Variants in MAOA observed in about 807,000 individuals in gnomAD.
The protein encoded by MAOA is monoamine oxidase A, also known as amine oxidase [flavin-containing] A.
In MAOA, 6 loss-of-function variants were observed where a neutral mutation model predicts 42.0. The observed-to-expected ratio is 0.14, with a 90% CI of 0.08 to 0.28. MAOA has a LOEUF of 0.28. MAOA is among the 10% of genes least tolerant of loss of function. The pLI, the probability that MAOA is intolerant of heterozygous loss-of-function variation, is 1.00. For missense variants in MAOA, 262 were observed against 422.3 expected (o/e 0.62, Z 3.33); for synonymous variants, 140 against 154.0 (o/e 0.91, Z 0.67).
chrX:43,730,150 C>T (rs1022403360), intron 6 of MAOA, among the ~76,000 whole-genome samples: 4 of 103,007 alleles, frequency 3.9e-5, no homozygotes, highest in Non-Finnish European at 5.9e-5. Context: ...GCCAAGATTG[C>T]GCCATTGCAT....
chrX:43,724,979 C>T lies in MAOA; in HGVS notation c.504-3194C>T, dbSNP rs143446917. Reference sequence around the variant, plus strand: ...GTTGTTCAGTTTCCAAGTAGTTGTGCGGTTTTGAGTGAGTTTCTTCATCCT... The same window carrying T: ...GTTGTTCAGTTTCCAAGTAGTTGTGTGGTTTTGAGTGAGTTTCTTCATCCT... On this transcript the variant is annotated intron_variant, in intron 5 of 14. Transcript: ENST00000338702. Among the ~76,000 whole-genome samples the T allele has an allele frequency of 1.1e-3, 122 of 111,842 alleles. No individual in the cohort carries two copies. In the East Asian group the frequency reaches 0.025, roughly 22 times the overall value.
At position 43,746,190 on chromosome X, in the gene MAOA, C is replaced by T. The variant is rs755538277; in HGVS notation, c.*1677C>T. 8.9e-6 allele frequency: 1 copy of T among 112,547 alleles called. No individual in the cohort carries two copies. Among genetic ancestry groups the T allele is most frequent in the African/African-American group, 3.2e-5 (1 of 31,041 alleles). 9.3% of individuals were successfully genotyped at this position (112,547 alleles called of 1,213,427 possible). On this transcript the variant is annotated 3_prime_UTR_variant, in exon 15 of 15. Coordinates refer to ENST00000338702, the MANE Select transcript of MAOA (RefSeq NM_000240.4). The stretch of plus-strand genomic sequence containing the variant: ...ACCTTTTGGGAAATGCTGATTTAAA[C>T]TTCTTAACTGGCAACAGTTGGAACA...
In MAOA at chrX:43,658,036, AAAC is replaced by A. The variant is rs1347392693; in HGVS notation, c.73+1624_73+1626del. 27 of 522,168 alleles carry A rather than the reference AAAC, an allele frequency of 5.2e-5. No homozygotes were observed. In the African/African-American group the frequency reaches 7.0e-4, roughly 13 times the overall value. 43.0% of individuals were successfully genotyped at this position (522,168 alleles called of 1,213,427 possible). ...TTATGTATTTATTTATTCATTCAAAAAACACTTGTTGAGTACCTGCAATGAAGT... is the reference window on the plus strand; with the variant it reads ...TTATGTATTTATTTATTCATTCAAAAACTTGTTGAGTACCTGCAATGAAGT... On this transcript the variant is annotated intron_variant, in intron 1 of 14. Coordinates refer to ENST00000338702, the MANE Select transcript of MAOA (RefSeq NM_000240.4).
intron 3 of MAOA, among the ~76,000 whole-genome samples, chrX:43,709,907 C>T (rs772463315): frequency 2.7e-5 from 3 of 112,050 alleles, no homozygotes; most frequent in African/African-American, 6.5e-5. Flanking sequence ...TGGAAGATTT[C>T]TAAGTTTCAC....
chrX:43,721,935 C>T lies in MAOA; in HGVS notation c.504-6238C>T, dbSNP rs750500820. On this transcript the variant is annotated intron_variant, in intron 5 of 14. Transcript: ENST00000338702. The stretch of plus-strand genomic sequence containing the variant: ...ACTCTCACTTATGAGTGAGAACATG[C>T]GGTGTTTGGTTTTCTCTTATTGTGT... Among the ~76,000 whole-genome samples, 182 of 110,955 alleles carry T rather than the reference C, an allele frequency of 1.6e-3. 1 individual carries two copies. The highest frequency in any genetic ancestry group is 5.6e-3 in the African/African-American group (170 of 30,469).
At chrX:43,674,773 C>T (rs1243367611) in intron 1 of MAOA, among the ~76,000 whole-genome samples, 1 of 109,508 alleles carries the variant, frequency 9.1e-6, no homozygotes, top group Non-Finnish European at 1.9e-5. Flanking sequence ...TGAATATTGG[C>T]CCCCACTCTC....
chrX:43,724,409 A>T (rs1356822136), intron 5 of MAOA, among the ~76,000 whole-genome samples: 1 of 111,419 alleles, frequency 9.0e-6, no homozygotes, highest in Non-Finnish European at 1.9e-5. Flanking sequence ...TAGTCTTGGG[A>T]GGGTGTATGT....
chrX:43,742,952 G>A (rs2033971301), intron 12 of MAOA, among the ~76,000 whole-genome samples: 1 of 110,899 alleles, frequency 9.0e-6, no homozygotes, highest in Non-Finnish European at 1.9e-5. Context: ...ACAATAGCAG[G>A]ATTGATGAAC....
At chrX:43,666,264 C>G (rs1442596948) in intron 1 of MAOA, among the ~76,000 whole-genome samples, 6 of 111,973 alleles carry the variant, frequency 5.4e-5, no homozygotes, top group African/African-American at 1.9e-4. Context: ...AAGATTAATG[C>G]ATCTAAAACA....
rs1390751022 is a variant in MAOA, at chrX:43,746,723, T to C, written c.*2210T>C. The C allele has an allele frequency of 8.9e-6, 1 of 112,200 alleles. No individual in the cohort carries two copies. The highest frequency in any genetic ancestry group is 3.2e-5 in the African/African-American group (1 of 30,782). 9.2% of individuals were successfully genotyped at this position (112,200 alleles called of 1,213,427 possible). A position where few individuals can be genotyped will look rare whatever the true frequency, so the allele number is the denominator to read the frequency against. ...CTGAAGTTTGCCCCAGTGCTACACG[T>C]TGGAGTATACCTATGTGTGTGCTTT... On this transcript the variant is annotated 3_prime_UTR_variant, in exon 15 of 15. Coordinates refer to ENST00000338702, the MANE Select transcript of MAOA (RefSeq NM_000240.4).
chrX:43,722,702 T>C (rs758315510), intron 5 of MAOA, among the ~76,000 whole-genome samples: 38 of 112,152 alleles, frequency 3.4e-4, no homozygotes, highest in South Asian at 1.1e-3. Context: ...TAGATCCCAT[T>C]TGTCTGTTTT....
intron 10 of MAOA, among the ~76,000 whole-genome samples, chrX:43,739,217 T>A (rs1408084711): frequency 8.9e-6 from 1 of 112,075 alleles, no homozygotes; most frequent in Non-Finnish European, 1.9e-5. Context: ...CCATTCTTCT[T>A]TTCCTTTATG....
chrX:43,708,649 T>C (rs369034957), intron 3 of MAOA, among the ~76,000 whole-genome samples: 3 of 106,917 alleles, frequency 2.8e-5, no homozygotes, highest in East Asian at 2.9e-4. Flanking sequence ...TGGGCCTTTA[T>C]GGTCTTCTTG....
chrX:43,657,220 T>G (rs982754174), intron 1 of MAOA, among the ~76,000 whole-genome samples: 1 of 90,487 alleles, frequency 1.1e-5, no homozygotes, highest in African/African-American at 4.9e-5. Context: ...ATATATGAAC[T>G]GTGTTTATAT....
At chrX:43,722,780 G>A (rs1275533639) in intron 5 of MAOA, among the ~76,000 whole-genome samples, 1 of 111,926 alleles carries the variant, frequency 8.9e-6, no homozygotes, top group Admixed American at 9.5e-5. Flanking sequence ...GTCCTGAATG[G>A]TATTGCCTAG....
In MAOA at chrX:43,711,907, A is replaced by G; in HGVS notation, c.342A>G (p.Pro114=). The change falls in exon 4 of 15, where the codon CCA becomes CCG. Residue 114 remains proline (P), a synonymous_variant. Coordinates refer to ENST00000338702, the MANE Select transcript of MAOA (RefSeq NM_000240.4). ...KTYPFRGAFP[P]VWNPIAYLDY... is the part of the protein sequence containing the mutation. Reference sequence around the variant, plus strand: ...ATCCATTTCGGGGCGCCTTTCCACCAGTATGGAATCCCATTGCATATTTGG... The same window carrying G: ...ATCCATTTCGGGGCGCCTTTCCACCGGTATGGAATCCCATTGCATATTTGG... 1 of 1,208,992 alleles carries G rather than the reference A, an allele frequency of 8.3e-7. No individual in the cohort carries two copies. The highest frequency in any genetic ancestry group is 1.1e-6 in the Non-Finnish European group (1 of 893,004).
At chrX:43,665,809 ATTAG>A (rs1196263980) in intron 1 of MAOA, among the ~76,000 whole-genome samples, 1 of 74,777 alleles carries the variant, frequency 1.3e-5, no homozygotes, top group Non-Finnish European at 2.7e-5. Context: ...ATAGGTATAG[ATTAG>A]ATAGATAGAT....
intron 5 of MAOA, among the ~76,000 whole-genome samples, chrX:43,714,805 T>A (rs923376168): frequency 1.3e-4 from 2 of 15,051 alleles, no homozygotes; most frequent in Admixed American, 1.0e-3. Context: ...GGGGCGGGGG[T>A]GGGGTGGGGA....
In MAOA at chrX:43,696,794, A is replaced by G. The variant is rs1277748946; in HGVS notation, c.306+3366A>G. The stretch of plus-strand genomic sequence containing the variant: ...AACCAAACAAACAAGAATGCAAGGC[A>G]TTGTTAACCTCTGGATCTTTGCCAT... On this transcript the variant is annotated intron_variant, in intron 3 of 14. Coordinates refer to ENST00000338702, the MANE Select transcript of MAOA (RefSeq NM_000240.4). Among the ~76,000 whole-genome samples the G allele has an allele frequency of 2.7e-5, 3 of 112,577 alleles. 1 individual carries two copies. The highest frequency in any genetic ancestry group is 8.3e-3 in the Middle Eastern group (2 of 240).
Sources: allele counts gnomAD v4.1 joint callset (sites outside exome capture counted in the v4.1 genomes callset), GRCh38; gene constraint gnomAD v4.1.1; transcripts MANE v1.5; gene names NCBI Gene and HGNC (gene_info 2026-07-23, HGNC 2026-07-21).